CADPS2: variants seen among roughly 807,000 people sequenced by gnomAD.
The protein encoded by CADPS2 is calcium dependent secretion activator 2.
Under a neutral mutation model 172.5 loss-of-function variants are expected in CADPS2, and 93 were observed. That is an observed-to-expected ratio of 0.54 (90% CI 0.46 to 0.64). The LOEUF is 0.64. Among genes scored for constraint, CADPS2 ranks in the 30% least tolerant of loss-of-function variants. The pLI, the probability that CADPS2 is intolerant of heterozygous loss-of-function variation, is 0.00. For synonymous variants in CADPS2, 546 were observed against 555.2 expected (o/e 0.98, Z 0.23); for missense variants, 1,420 against 1,565.9 (o/e 0.91, Z 1.57).
chr7:122,477,001 A>AGGAGG (rs2056701838), intron 12 of CADPS2, among the ~76,000 whole-genome samples: 1 of 36,118 alleles, frequency 2.8e-5, no homozygotes, highest in African/African-American at 9.1e-5. Flanking sequence ...GGGAGGGGAG[A>AGGAGG]GGAGAGGAGA....
chr7:122,664,451 T>C (rs899060771), intron 2 of CADPS2, among the ~76,000 whole-genome samples: 3 of 151,986 alleles, frequency 2.0e-5, no homozygotes, highest in Admixed American at 6.6e-5. Flanking sequence ...GAGACAACCA[T>C]AGAGTAAGAT....
At chr7:122,349,351 T>G (rs2038183167) in intron 27 of CADPS2, among the ~76,000 whole-genome samples, 1 of 152,182 alleles carries the variant, frequency 6.6e-6, no homozygotes, top group Non-Finnish European at 1.5e-5. Flanking sequence ...CTCTATGTAT[T>G]AAATGCCATT....
intron 1 of CADPS2, among the ~76,000 whole-genome samples, chr7:122,808,514 T>G (rs573978682): frequency 1.5e-3 from 222 of 152,324 alleles, no homozygotes; most frequent in Non-Finnish European, 2.6e-3. Context: ...ATAAACCACT[T>G]GCTTGGTCTA....
At chr7:122,677,151 A>G (rs181051712) in intron 2 of CADPS2, among the ~76,000 whole-genome samples, 1 of 152,354 alleles carries the variant, frequency 6.6e-6, no homozygotes, top group Non-Finnish European at 1.5e-5. Flanking sequence ...TAGAGCTTAC[A>G]GTGGGGCAAA....
intron 14 of CADPS2, among the ~76,000 whole-genome samples, chr7:122,469,300 A>C (rs1410167605): frequency 6.6e-6 from 1 of 152,164 alleles, no homozygotes; most frequent in Non-Finnish European, 1.5e-5. Flanking sequence ...GTGTGGATGA[A>C]TAAAATATTC....
At chr7:122,699,441 CT>C (rs376440849) in intron 2 of CADPS2, among the ~76,000 whole-genome samples, 7 of 151,800 alleles carry the variant, frequency 4.6e-5, no homozygotes, top group African/African-American at 1.7e-4. Flanking sequence ...AAATGGCAAG[CT>C]AAAAAAAAGG....
At chr7:122,621,848 T>C in intron 4 of CADPS2, 131 bp from the exon 5 acceptor site, 1 of 611,042 alleles carries the variant, frequency 1.6e-6, no homozygotes, top group Non-Finnish European at 2.8e-6. Context: ...CCTACTTGAG[T>C]CACTAGGCTG....
intron 1 of CADPS2, among the ~76,000 whole-genome samples, chr7:122,851,440 T>C (rs141899307): frequency 8.8e-4 from 134 of 152,314 alleles, no homozygotes; most frequent in African/African-American, 3.1e-3. Context: ...CTATCAATTA[T>C]GCTTCCCACA....
intron 1 of CADPS2, among the ~76,000 whole-genome samples, chr7:122,829,348 A>G (rs974437656): frequency 6.6e-6 from 1 of 152,204 alleles, no homozygotes; most frequent in East Asian, 1.9e-4. Context: ...AGAGAATCCA[A>G]AAGGATTAGA....
intron 1 of CADPS2, among the ~76,000 whole-genome samples, chr7:122,823,479 T>C (rs1803983926): frequency 6.6e-6 from 1 of 151,980 alleles, no homozygotes; most frequent in South Asian, 2.1e-4. Flanking sequence ...GGCTATGAAA[T>C]GCCTCTCATA....
chr7:122,393,642 T>C, intron 20 of CADPS2, 60 bp from the exon 21 acceptor site: 2 of 1,591,984 alleles, frequency 1.3e-6, no homozygotes, highest in Non-Finnish European at 1.7e-6. Context: ...ATTTGGAAAA[T>C]ATGGGCCAAA....
At chr7:122,350,521 T>C (rs968784641) in intron 27 of CADPS2, among the ~76,000 whole-genome samples, 18 of 152,228 alleles carry the variant, frequency 1.2e-4, no homozygotes, top group African/African-American at 4.1e-4. Flanking sequence ...TTTTTTCATA[T>C]ATTCATGATT....
intron 1 of CADPS2, among the ~76,000 whole-genome samples, chr7:122,816,135 T>A (rs1801316901): frequency 6.6e-6 from 1 of 152,168 alleles, no homozygotes; most frequent in South Asian, 2.1e-4. Flanking sequence ...CCTATTTTTT[T>A]AACCACTAGC....
intron 2 of CADPS2, chr7:122,681,319 C>T (rs920968045): frequency 2.3e-6 from 3 of 1,297,350 alleles, no homozygotes; most frequent in Non-Finnish European, 3.3e-6. Flanking sequence ...TCCAAGATGA[C>T]AAAGAAAAGA....
At chr7:122,336,186 A>C (rs1029993397) in intron 28 of CADPS2, among the ~76,000 whole-genome samples, 1 of 152,200 alleles carries the variant, frequency 6.6e-6, no homozygotes, top group Non-Finnish European at 1.5e-5. Context: ...TTCCTTACAC[A>C]GATTTTTTTT....
intron 19 of CADPS2, among the ~76,000 whole-genome samples, chr7:122,412,382 CACAA>C (rs943792775): frequency 1.8e-4 from 28 of 152,048 alleles, no homozygotes; most frequent in Non-Finnish European, 3.4e-4. Context: ...TAAGGGTACA[CACAA>C]ACAAAAATAA....
intron 27 of CADPS2, among the ~76,000 whole-genome samples, chr7:122,350,132 G>A (rs1047419930): frequency 6.6e-6 from 1 of 152,170 alleles, no homozygotes; most frequent in Admixed American, 6.5e-5. Flanking sequence ...CCTGCGTTAT[G>A]ATTATCTGCT....
intron 1 of CADPS2, among the ~76,000 whole-genome samples, chr7:122,749,027 GTT>G (rs2092836408): frequency 6.6e-6 from 1 of 152,042 alleles, no homozygotes; most frequent in Admixed American, 6.6e-5. Context: ...TTGTCTTCTA[GTT>G]TACTGCCTCC....
intron 2 of CADPS2, among the ~76,000 whole-genome samples, chr7:122,704,172 G>C (rs1031442923): frequency 6.6e-6 from 1 of 151,928 alleles, no homozygotes; most frequent in African/African-American, 2.4e-5. Flanking sequence ...TTTCTCATTT[G>C]GACAAAAGCA....
Sources: gnomAD v4.1 joint callset for allele counts (sites outside exome capture counted in the v4.1 genomes callset) on GRCh38, gnomAD v4.1.1 for gene constraint, MANE v1.5 for transcripts, NCBI Gene and HGNC (gene_info 2026-07-23, HGNC 2026-07-21) for gene names.